BPNT2: variants seen among roughly 807,000 people sequenced by gnomAD.
BPNT2 encodes the protein Golgi-resident adenosine 3',5'-bisphosphate 3'-phosphatase.
BPNT2 carries 11 observed loss-of-function variants against 29.3 expected under a neutral mutation model. That is an observed-to-expected ratio of 0.38 (90% CI 0.24 to 0.62). The LOEUF is 0.62. Ranked by LOEUF, BPNT2 falls within the 20% of genes least tolerant of loss-of-function variation. BPNT2 has a pLI of 0.62. For synonymous variants in BPNT2, 195 were observed against 187.7 expected (o/e 1.04, Z -0.32); for missense variants, 459 against 473.4 (o/e 0.97, Z 0.28).
chr8:56,978,438 C>A (rs1482751579), intron 2 of BPNT2, among the ~76,000 whole-genome samples: 2 of 152,116 alleles, frequency 1.3e-5, no homozygotes, highest in East Asian at 1.9e-4. Context: ...TGCTTATACA[C>A]TGTTGGTGGG....
chr8:56,985,488 C>T (rs1806313400), intron 1 of BPNT2, among the ~76,000 whole-genome samples: 1 of 152,144 alleles, frequency 6.6e-6, no homozygotes, highest in Non-Finnish European at 1.5e-5. Context: ...CAGCCAATCA[C>T]TCCCAAAGAA....
Position 56,993,649 on chromosome 8 carries a change from C to G in BPNT2, c.-64G>C. The G allele has an allele frequency of 2.5e-6, 3 of 1,187,508 alleles. No homozygotes were observed. Among genetic ancestry groups the G allele is most frequent in the African/African-American group, 1.6e-5 (1 of 61,812 alleles). The allele number at this position is 1,187,508 out of a possible 1,614,324, so 73.6% of individuals were successfully genotyped here. A position where few individuals can be genotyped will look rare whatever the true frequency, so the allele number is the denominator to read the frequency against. On this transcript the variant is annotated 5_prime_UTR_variant, in exon 1 of 5. Coordinates refer to ENST00000262644, the MANE Select transcript of BPNT2 (RefSeq NM_017813.5). Reference sequence around the variant, plus strand: ...AGGCCTCCAGCGCCCGCCGCCGCCGCCGCCGCAGCCGCCGCGCTCCGGGCC... The same window carrying G: ...AGGCCTCCAGCGCCCGCCGCCGCCGGCGCCGCAGCCGCCGCGCTCCGGGCC...
Position 56,966,190 on chromosome 8 carries a change from C to T in BPNT2, c.808+1G>A. ...GGGACCACACAGGAAGAGGAACATA[C>T]CAGCACCACCAGCTGGGATAATTGT... On this transcript the variant is annotated splice_donor_variant, in intron 4 of 4. Coordinates refer to ENST00000262644, the MANE Select transcript of BPNT2 (RefSeq NM_017813.5). LOFTEE classifies it high-confidence loss of function. The T allele has an allele frequency of 6.2e-7, 1 of 1,614,086 alleles. No homozygotes were observed. Among genetic ancestry groups the T allele is most frequent in the Non-Finnish European group, 8.5e-7 (1 of 1,179,962 alleles).
intron 1 of BPNT2, among the ~76,000 whole-genome samples, chr8:56,982,991 T>C (rs1806268980): frequency 6.6e-6 from 1 of 152,206 alleles, no homozygotes; most frequent in African/African-American, 2.4e-5. Flanking sequence ...CAAGAGATCA[T>C]ATACTGTTTG....
At chr8:56,987,360 C>T (rs1379300138) in intron 1 of BPNT2, among the ~76,000 whole-genome samples, 1 of 152,182 alleles carries the variant, frequency 6.6e-6, no homozygotes, top group Non-Finnish European at 1.5e-5. Context: ...AATCAGTGAA[C>T]TCAATAAAAC....
chr8:56,966,246 C>T lies in BPNT2; in HGVS notation c.753G>A (p.Gln251=). The T allele has an allele frequency of 6.2e-7, 1 of 1,614,148 alleles. No homozygotes were observed. Among genetic ancestry groups the T allele is most frequent in the South Asian group, 1.1e-5 (1 of 91,090 alleles). ...GGTTTCCAAAAGTCTGAAGAGCGACCTGTTTGACCATCCCTGAATGGGAAC... is the reference window on the plus strand; with the variant it reads ...GGTTTCCAAAAGTCTGAAGAGCGACTTGTTTGACCATCCCTGAATGGGAAC... ...VSRSHSGMVK[Q]VALQTFGNQT... Residue 251 remains glutamine (Q), a synonymous_variant, in exon 4 of 5, where the codon CAG becomes CAA. Transcript: ENST00000262644.
chr8:56,970,864 T>C (rs1462909821), intron 3 of BPNT2, among the ~76,000 whole-genome samples: 1 of 152,098 alleles, frequency 6.6e-6, no homozygotes, highest in African/African-American at 2.4e-5. Flanking sequence ...TAATTTTACG[T>C]TTGTTTGAAA....
At chr8:56,972,504 CTT>C (rs2129204405) in intron 3 of BPNT2, among the ~76,000 whole-genome samples, 1 of 151,996 alleles carries the variant, frequency 6.6e-6, no homozygotes, top group Admixed American at 6.5e-5. Flanking sequence ...AACCTTAACA[CTT>C]TTTAATGAAA....
In BPNT2 at chr8:56,963,631, G is replaced by A. The variant is rs1189710526; in HGVS notation, c.*162C>T. On this transcript the variant is annotated 3_prime_UTR_variant, in exon 5 of 5. Coordinates refer to ENST00000262644, the MANE Select transcript of BPNT2 (RefSeq NM_017813.5). ...AAAGCAACCCATTTTCCCTGATTTT[G>A]CATTCTATTACAGGGAAAATAAGTC... is the stretch of plus-strand genomic sequence containing the variant. The A allele has an allele frequency of 4.3e-6, 3 of 702,770 alleles. No homozygotes were observed. The highest frequency in any genetic ancestry group is 4.8e-6 in the Non-Finnish European group (2 of 420,702). 43.5% of individuals were successfully genotyped at this position (702,770 alleles called of 1,614,324 possible). A position where few individuals can be genotyped will look rare whatever the true frequency, so the allele number is the denominator to read the frequency against.
Position 56,993,153 on chromosome 8 carries a change from G to T in BPNT2, c.387+46C>A, listed in dbSNP as rs567356359. On this transcript the variant is annotated intron_variant, in intron 1 of 4. Transcript: ENST00000262644. ...ATACTGTTAAGAGTCGACGGGCCGA[G>T]ACGCGCTACCCGGCTCGAGTGGGCG... 537 of 1,568,158 alleles carry T rather than the reference G, an allele frequency of 3.4e-4. 8 individuals are homozygous for T. The South Asian group carries it at 5.9e-3, about 17-fold the overall frequency.
intron 3 of BPNT2, among the ~76,000 whole-genome samples, chr8:56,975,743 A>G (rs1806120601): frequency 6.6e-6 from 1 of 152,188 alleles, no homozygotes; most frequent in Admixed American, 6.5e-5. Flanking sequence ...TATACTGCAA[A>G]TTGTTAAACA....
At position 56,962,044 on chromosome 8, in the gene BPNT2, T is replaced by C. The variant is rs914931997; in HGVS notation, c.*1749A>G. On this transcript the variant is annotated 3_prime_UTR_variant, in exon 5 of 5. Transcript: ENST00000262644. ...TTGCCATCTCTCCTGAAAAAGAAAG[T>C]TTCTTCAGCTTATTGCAAAGGAAAA... 1 of 152,162 alleles carries C rather than the reference T, an allele frequency of 6.6e-6. No individual in the cohort carries two copies. The highest frequency in any genetic ancestry group is 1.5e-5 in the Non-Finnish European group (1 of 68,030). 9.4% of individuals were successfully genotyped at this position (152,162 alleles called of 1,614,324 possible). A position where few individuals can be genotyped will look rare whatever the true frequency, so the allele number is the denominator to read the frequency against.
chr8:56,972,832 A>G (rs912369082), intron 3 of BPNT2, among the ~76,000 whole-genome samples: 3 of 151,942 alleles, frequency 2.0e-5, no homozygotes, highest in African/African-American at 7.3e-5. Flanking sequence ...TTCAATGCAG[A>G]CAAGTGTCCT....
intron 1 of BPNT2, among the ~76,000 whole-genome samples, chr8:56,988,579 G>C (rs540733540): frequency 6.6e-5 from 10 of 152,228 alleles, no homozygotes; most frequent in African/African-American, 2.4e-4. Context: ...CATTATCCTT[G>C]GTTCTAGGCC....
chr8:56,981,571 AC>A (rs1439568868), intron 1 of BPNT2, among the ~76,000 whole-genome samples: 1 of 152,218 alleles, frequency 6.6e-6, no homozygotes, highest in African/African-American at 2.4e-5. Context: ...CTCAAAAAAA[AC>A]AAAAAATAAA....
Position 56,963,739 on chromosome 8 carries a change from A to T in BPNT2, c.*54T>A. On this transcript the variant is annotated 3_prime_UTR_variant, in exon 5 of 5. Transcript: ENST00000262644. Reference sequence around the variant, plus strand: ...CCACCAATCCTTTGAAGCTTCCAGCATCTCAGGCTAACCATTTCAGCTGTG... The same window carrying T: ...CCACCAATCCTTTGAAGCTTCCAGCTTCTCAGGCTAACCATTTCAGCTGTG... 6.2e-7 allele frequency: 1 copy of T among 1,600,048 alleles called. No individual in the cohort carries two copies. The highest frequency in any genetic ancestry group is 1.1e-5 in the South Asian group (1 of 90,666).
rs188809380 is a variant in BPNT2 at position 56,978,913 on chromosome 8, G to C, written c.551-768C>G. On this transcript the variant is annotated intron_variant, in intron 2 of 4. Coordinates refer to ENST00000262644, the MANE Select transcript of BPNT2 (RefSeq NM_017813.5). Reference sequence around the variant, plus strand: ...AGAGGATAGAGAGTGGGAGGAGGAAGAGAATCAGGAAAAATAACTAATGGA... The same window carrying C: ...AGAGGATAGAGAGTGGGAGGAGGAACAGAATCAGGAAAAATAACTAATGGA... Among the ~76,000 whole-genome samples the C allele has an allele frequency of 2.6e-4, 39 of 152,292 alleles. No individual in the cohort carries two copies. In the East Asian group the frequency reaches 7.3e-3, roughly 29 times the overall value.
At chr8:56,966,435 T>G in intron 3 of BPNT2, 83 bp from the exon 4 acceptor site, 2 of 1,168,936 alleles carry the variant, frequency 1.7e-6, no homozygotes, top group Admixed American at 1.7e-5. Flanking sequence ...AAGTGCTATG[T>G]ATGACTGACA....
chr8:56,984,009 A>T (rs549461917), intron 1 of BPNT2, among the ~76,000 whole-genome samples: 4 of 152,210 alleles, frequency 2.6e-5, no homozygotes, highest in Non-Finnish European at 5.9e-5. Context: ...GATAACAGTA[A>T]CACCATGCAA....
Sources: gnomAD v4.1 joint callset for allele counts (sites outside exome capture counted in the v4.1 genomes callset) on GRCh38, gnomAD v4.1.1 for gene constraint, MANE v1.5 for transcripts, NCBI Gene and HGNC (gene_info 2026-07-23, HGNC 2026-07-21) for gene names.